Variants in MYBPC2 observed in about 807,000 individuals in gnomAD.
The protein encoded by MYBPC2 is myosin-binding protein C, fast-type.
MYBPC2 carries 122 observed loss-of-function variants against 137.0 expected under a neutral mutation model. That is an observed-to-expected ratio of 0.89 (90% CI 0.77 to 1.03). MYBPC2 has a LOEUF of 1.03. MYBPC2 is among the 50% of genes least tolerant of loss of function. The pLI, the probability that MYBPC2 is intolerant of heterozygous loss-of-function variation, is 0.00. For synonymous variants in MYBPC2, 626 were observed against 612.3 expected (o/e 1.02, Z -0.33); for missense variants, 1,500 against 1,534.4 (o/e 0.98, Z 0.37).
chr19:50,455,573 A>T lies in MYBPC2; in HGVS notation c.2267A>T (p.Lys756Met). The change falls in exon 20 of 28, where the codon AAG becomes ATG. Residue 756 changes from lysine (K) to methionine (M), a missense_variant. Lys to Met is a moderately conservative substitution (Grantham distance 95, BLOSUM62 -1). Coordinates refer to ENST00000357701, the MANE Select transcript of MYBPC2 (RefSeq NM_004533.4). The part of the protein sequence containing the change: ...EDVTDTTTTL[K>M]WRPPNRIGAG... ...GTGACAGACACCACCACCACACTCA[A>T]GTGGAGGCCTCCGAACAGGATCGGG... The T allele has an allele frequency of 6.2e-7, 1 of 1,613,998 alleles. No homozygotes were observed. The highest frequency in any genetic ancestry group is 1.1e-5 in the South Asian group (1 of 91,080).
Position 50,464,544 on chromosome 19 carries a change from G to A in MYBPC2, c.3415+12G>A, listed in dbSNP as rs1266334015. 1 of 1,593,772 alleles carries A rather than the reference G, an allele frequency of 6.3e-7. No individual in the cohort carries two copies. Among genetic ancestry groups the A allele is most frequent in the Non-Finnish European group, 8.5e-7 (1 of 1,171,676 alleles). ...GCTGGAGGTCCGAGGTGAGGGCGTG[G>A]CCATCCCCAACACTGGCTGACCCTT... On this transcript the variant is annotated intron_variant, in intron 27 of 27. Transcript: ENST00000357701.
chr19:50,443,907 T>C, intron 11 of MYBPC2, 91 bp downstream of exon 11: 1 of 1,236,302 alleles, frequency 8.1e-7, no homozygotes. Context: ...GTGACTTCTC[T>C]TGGAGATTTC....
chr19:50,436,051 A>C lies in MYBPC2; in HGVS notation c.236A>C (p.Glu79Ala), dbSNP rs1411102511. The C allele has an allele frequency of 1.3e-6, 2 of 1,584,990 alleles. No individual in the cohort carries two copies. Among genetic ancestry groups the C allele is most frequent in the Non-Finnish European group, 1.7e-6 (2 of 1,165,642 alleles). ...GTCGTGGCCAAGGTGAACGGGAAGGAGCTCCCAGACAAACCGACCATCAAG... is the reference window on the plus strand; with the variant it reads ...GTCGTGGCCAAGGTGAACGGGAAGGCGCTCCCAGACAAACCGACCATCAAG... ...AVVVAKVNGK[E>A]LPDKPTIKWF... Residue 79 changes from glutamate (E) to alanine (A), a missense_variant, in exon 4 of 28, where the codon GAG becomes GCG. Coordinates refer to ENST00000357701, the MANE Select transcript of MYBPC2 (RefSeq NM_004533.4).
intron 20 of MYBPC2, among the ~76,000 whole-genome samples, chr19:50,457,680 G>GTTTTTTTTT (rs544491551): frequency 2.4e-5 from 3 of 126,426 alleles, no homozygotes; most frequent in Non-Finnish European, 4.9e-5. Flanking sequence ...CCTGGGGAAA[G>GTTTTTTTTT]TTTTTTTTTT....
intron 10 of MYBPC2, 43 bp downstream of exon 10, chr19:50,443,661 C>T: frequency 1.2e-6 from 2 of 1,611,544 alleles, no homozygotes. Context: ...GGGACTGGAA[C>T]TCTGGAGGGG....
At chr19:50,440,454 A>G (rs1315776562) in intron 7 of MYBPC2, among the ~76,000 whole-genome samples, 1 of 151,924 alleles carries the variant, frequency 6.6e-6, no homozygotes, top group African/African-American at 2.4e-5. Flanking sequence ...ACTTAAGGTC[A>G]GGAATTCGAG....
In MYBPC2 at chr19:50,448,275, T is replaced by TC; in HGVS notation, c.1358dup (p.Glu454ArgfsTer11). The TC allele has an allele frequency of 6.2e-7, 1 of 1,613,808 alleles. No homozygotes were observed. Among genetic ancestry groups the TC allele is most frequent in the Non-Finnish European group, 8.5e-7 (1 of 1,179,780 alleles). ...CATCGCGGATCTGACGGTGAAGGCC[T>TC]CAGAACAAGCTGTGTTCAAGTGCGA... On this transcript the variant is annotated frameshift_variant, in exon 13 of 28. Transcript: ENST00000357701. LOFTEE classifies it high-confidence loss of function.
chr19:50,460,955 T>C (rs867248445), intron 24 of MYBPC2, among the ~76,000 whole-genome samples: 10 of 146,850 alleles, frequency 6.8e-5, no homozygotes, highest in African/African-American at 2.5e-4. Context: ...CCTCCCAAAG[T>C]GTTGGGATTA....
At chr19:50,457,366 C>T (rs1052692442) in intron 20 of MYBPC2, among the ~76,000 whole-genome samples, 1 of 152,130 alleles carries the variant, frequency 6.6e-6, no homozygotes, top group Non-Finnish European at 1.5e-5. Flanking sequence ...GGCCATAAAC[C>T]CAAGACAGAA....
chr19:50,455,293 A>C lies in MYBPC2; in HGVS notation c.2200A>C (p.Ile734Leu), dbSNP rs186249573. The C allele has an allele frequency of 2.5e-3, 4,103 of 1,612,794 alleles. 7 individuals carry two copies. Among genetic ancestry groups the C allele is most frequent in the Non-Finnish European group, 3.2e-3 (3,827 of 1,179,046 alleles). The change falls in exon 19 of 28, where the codon ATT (isoleucine) becomes CTT (leucine). Residue 734 changes from isoleucine (I) to leucine (L), a missense_variant. Ile to Leu is a conservative substitution (Grantham distance 5, BLOSUM62 2). Transcript: ENST00000357701. Reference protein sequence around the residue: ...PSMNTKPFMPIAPTSEPLHLI... With the variant: ...PSMNTKPFMPLAPTSEPLHLI... Reference sequence around the variant, plus strand: ...CATGAACACCAAGCCTTTTATGCCTATTGGTAATGTCCTCCCTCACTTTTA... The same window carrying C: ...CATGAACACCAAGCCTTTTATGCCTCTTGGTAATGTCCTCCCTCACTTTTA...
Position 50,454,114 on chromosome 19 carries a change from G to A in MYBPC2, c.1844G>A (p.Arg615His), listed in dbSNP as rs200981817. Residue 615 changes from arginine to histidine, a missense_variant, in exon 17 of 28, where the codon CGC becomes CAC. Coordinates refer to ENST00000357701, the MANE Select transcript of MYBPC2 (RefSeq NM_004533.4). ...AGTGCGCAGCGGGAAGACGAGGGCC[G>A]CTACACCATCAAGGTCACCAACCCC... ...IESAQREDEG[R>H]YTIKVTNPVG... 2.4e-5 allele frequency: 38 copies of A among 1,612,820 alleles called. No individual in the cohort carries two copies. Among genetic ancestry groups the A allele is most frequent in the Non-Finnish European group, 3.1e-5 (36 of 1,179,428 alleles).
chr19:50,449,747 A>G (rs758211290), intron 13 of MYBPC2, among the ~76,000 whole-genome samples: 10 of 152,228 alleles, frequency 6.6e-5, no homozygotes, highest in Admixed American at 2.6e-4. Context: ...GCAGAGAGCC[A>G]GCATGATGCC....
At chr19:50,453,896 G>T in intron 16 of MYBPC2, 124 bp from the exon 17 acceptor site, 2 of 1,113,438 alleles carry the variant, frequency 1.8e-6, no homozygotes, top group South Asian at 3.2e-5. Context: ...GCAGTGGAGC[G>T]AGTGAGGACT....
At chr19:50,464,306 C>T in intron 26 of MYBPC2, 40 bp from the exon 27 acceptor site, 1 of 1,544,390 alleles carries the variant, frequency 6.5e-7, no homozygotes, top group South Asian at 1.2e-5. Flanking sequence ...TGCCCAGGGT[C>T]TCTCTCTAAG....
intron 5 of MYBPC2, 72 bp downstream of exon 5, chr19:50,436,806 G>T: frequency 7.1e-7 from 1 of 1,415,236 alleles, no homozygotes; most frequent in Non-Finnish European, 9.9e-7. Flanking sequence ...CCAGCCAGGT[G>T]TTGGGAGAGT....
chr19:50,435,087 G>T lies in MYBPC2; in HGVS notation c.20-74G>T. ...TGAGGGAGGAGGGGCTGGGGGGTCT[G>T]GACTCCTGCGTCTGAGGGAGGGGCA... On this transcript the variant is annotated intron_variant, in intron 1 of 27. Transcript: ENST00000357701. The surrounding 1 kb of genome is among the most constrained non-coding windows in gnomAD (Gnocchi z 4.8). 1 of 717,394 alleles carries T rather than the reference G, an allele frequency of 1.4e-6. No homozygotes were observed. The highest frequency in any genetic ancestry group is 2.3e-4 in the Middle Eastern group (1 of 4,298). The allele number at this position is 717,394 out of a possible 1,614,324, so 44.4% of individuals were successfully genotyped here. A position where few individuals can be genotyped will look rare whatever the true frequency, so the allele number is the denominator to read the frequency against.
At chr19:50,460,422 G>A (rs564429940) in intron 24 of MYBPC2, among the ~76,000 whole-genome samples, 1 of 152,292 alleles carries the variant, frequency 6.6e-6, no homozygotes, top group South Asian at 2.1e-4. Flanking sequence ...CAATTCAGCA[G>A]CACTTAGGAC....
intron 5 of MYBPC2, among the ~76,000 whole-genome samples, chr19:50,437,138 G>A (rs1234521416): frequency 2.0e-5 from 3 of 152,044 alleles, no homozygotes; most frequent in Non-Finnish European, 2.9e-5. Flanking sequence ...GCCCCTGAGG[G>A]TGTATGGGCT....
rs758172472 is a variant in MYBPC2 at position 50,451,262 on chromosome 19, G to A, written c.1580-18G>A. ...TGCTGAGTTTAGACCTAACTGTCCA[G>A]TCTTCTTTGTCTTGCAGAAATCAAG... On this transcript the variant is annotated intron_variant, in intron 14 of 27. Coordinates refer to ENST00000357701, the MANE Select transcript of MYBPC2 (RefSeq NM_004533.4). 2.9e-5 allele frequency: 46 copies of A among 1,613,578 alleles called. No individual in the cohort carries two copies. In the South Asian group the frequency reaches 4.9e-4, roughly 17 times the overall value.
Sources: allele counts gnomAD v4.1 joint callset (sites outside exome capture counted in the v4.1 genomes callset), GRCh38; gene constraint gnomAD v4.1.1; non-coding constraint Gnocchi (gnomAD v3.1); transcripts MANE v1.5; gene names NCBI Gene and HGNC (gene_info 2026-07-23, HGNC 2026-07-21).